The following GRM4 variants were observed in gnomAD, a reference collection of about 807,000 sequenced individuals.
GRM4 encodes the protein glutamate metabotropic receptor 4.
Under a neutral mutation model 81.7 loss-of-function variants are expected in GRM4, and 28 were observed. That is an observed-to-expected ratio of 0.34 (90% CI 0.25 to 0.47). The LOEUF is 0.47. Among genes scored for constraint, GRM4 ranks in the 20% least tolerant of loss-of-function variants. The probability of loss-of-function intolerance (pLI) is 1.00; values close to 1 mark genes in which losing one functional copy is unlikely to be tolerated. For synonymous variants in GRM4, 488 were observed against 528.8 expected, an observed-to-expected ratio of 0.92 and a Z score of 1.06; for missense variants, 948 against 1,290.0, an observed-to-expected ratio of 0.73 and a Z score of 4.06.
At chr6:34,147,812 T>C (rs1770968087), upstream of GRM4, among the ~76,000 whole-genome samples, 1 of 152,212 alleles carries the variant, frequency 6.6e-6, no homozygotes, top group South Asian at 2.1e-4. Context: ...AAATAATGTA[T>C]GCCCAGCACC....
At chr6:34,057,553 AGTACC>A (rs751329992) in intron 5 of GRM4, among the ~76,000 whole-genome samples, 75 of 152,318 alleles carry the variant, frequency 4.9e-4, no homozygotes, top group Non-Finnish European at 7.8e-4. Flanking sequence ...GATACTGAGC[AGTACC>A]CCGACCTCTA....
chr6:34,140,747 G>A (rs1310261317), intron 1 of GRM4, among the ~76,000 whole-genome samples: 1 of 152,196 alleles, frequency 6.6e-6, no homozygotes, highest in East Asian at 1.9e-4. Flanking sequence ...ACCCAAGTGG[G>A]CAAGTGTCTT....
chr6:34,124,693 C>T lies in GRM4; in HGVS notation c.519+8285G>A, dbSNP rs527801593. 1.3e-4 allele frequency among the ~76,000 whole-genome samples: 20 copies of T among 152,340 alleles called. No homozygotes were observed. In the South Asian group the frequency reaches 3.1e-3, roughly 24 times the overall value. Reference sequence around the variant, plus strand: ...AAGTGATTCCAATGTGCAGCTGAGACGGACCGCTGCTCTAGCAGTGCCGGG... The same window carrying T: ...AAGTGATTCCAATGTGCAGCTGAGATGGACCGCTGCTCTAGCAGTGCCGGG... On this transcript the variant is annotated intron_variant, in intron 2 of 10. Coordinates refer to ENST00000538487, the MANE Select transcript of GRM4 (RefSeq NM_000841.4).
chr6:34,141,701 C>T (rs1157205930), intron 1 of GRM4, among the ~76,000 whole-genome samples: 3 of 151,442 alleles, frequency 2.0e-5, no homozygotes, highest in African/African-American at 4.8e-5. Context: ...TGGGCAGGGC[C>T]GCGGGGTGGG....
chr6:34,020,603 C>T lies in GRM4; in HGVS notation c.*2218G>A, dbSNP rs1763836962. 6.7e-6 allele frequency: 1 copy of T among 149,346 alleles called. No individual in the cohort carries two copies. Among genetic ancestry groups the T allele is most frequent in the South Asian group, 2.1e-4 (1 of 4,654 alleles). 9.3% of individuals were successfully genotyped at this position (149,346 alleles called of 1,614,324 possible). On this transcript the variant is annotated 3_prime_UTR_variant, in exon 11 of 11. Transcript: ENST00000538487. ...ATCTGGCAACCTAGTTCTGCCTGAC[C>T]GGGCTGGAGCACTGGGTGGAATCTT...
At position 34,089,226 on chromosome 6, in the gene GRM4, A is replaced by G. The variant is rs1479015911; in HGVS notation, c.736+2657T>C. Among the ~76,000 whole-genome samples, 1 of 152,148 alleles carries G rather than the reference A, an allele frequency of 6.6e-6. No homozygotes were observed. The highest frequency in any genetic ancestry group is 1.5e-5 in the Non-Finnish European group (1 of 68,046). On this transcript the variant is annotated intron_variant, in intron 3 of 10. Transcript: ENST00000538487. The surrounding 1 kb of genome is among the most constrained non-coding windows in gnomAD (Gnocchi z 4.3). ...TCTGGTGCTCCTCTGAGCAACTCACAGATGATTTATACTTCAGAGTACGAA... is the reference window on the plus strand; with the variant it reads ...TCTGGTGCTCCTCTGAGCAACTCACGGATGATTTATACTTCAGAGTACGAA...
At chr6:34,112,306 C>T (rs1769416579) in intron 2 of GRM4, among the ~76,000 whole-genome samples, 1 of 152,168 alleles carries the variant, frequency 6.6e-6, no homozygotes, top group African/African-American at 2.4e-5. Flanking sequence ...GCTTACAGCT[C>T]TATAAGCCAT....
At chr6:34,140,557 C>T (rs1290525402) in intron 1 of GRM4, among the ~76,000 whole-genome samples, 1 of 152,166 alleles carries the variant, frequency 6.6e-6, no homozygotes, top group Non-Finnish European at 1.5e-5. Context: ...GCCCTTGGGC[C>T]TCCCTGCTCA....
intron 8 of GRM4, among the ~76,000 whole-genome samples, chr6:34,038,991 C>A (rs35075443): frequency 2.6e-5 from 4 of 152,156 alleles, no homozygotes; most frequent in African/African-American, 4.8e-5. Flanking sequence ...TAGCTGCTGC[C>A]GCTAGTGAGT....
chr6:34,056,435 C>CGG, intron 6 of GRM4, 109 bp downstream of exon 6: 1 of 1,033,300 alleles, frequency 9.7e-7, no homozygotes, highest in Non-Finnish European at 1.4e-6. Context: ...CGTCCTGCCA[C>CGG]GGCCGGCCGA....
intron 3 of GRM4, among the ~76,000 whole-genome samples, chr6:34,072,649 AC>A (rs1766999227): frequency 2.7e-5 from 4 of 149,416 alleles, no homozygotes; most frequent in African/African-American, 9.9e-5. Context: ...ACACACACAC[AC>A]ATCACCACAT....
In GRM4 at chr6:34,123,113, T is replaced by C. The variant is rs140707123; in HGVS notation, c.519+9865A>G. ...ACGTTACCCAAGGTCACACAGCGAG[T>C]TGGCAGCAGAGGCAGGCCCCAAAAG... On this transcript the variant is annotated intron_variant, in intron 2 of 10. Coordinates refer to ENST00000538487, the MANE Select transcript of GRM4 (RefSeq NM_000841.4). Among the ~76,000 whole-genome samples the C allele has an allele frequency of 2.7e-3, 418 of 152,176 alleles. 4 individuals are homozygous for C. Among genetic ancestry groups the C allele is most frequent in the South Asian group, 0.013 (64 of 4,814 alleles).
At chr6:34,098,133 G>A (rs184978533) in intron 2 of GRM4, among the ~76,000 whole-genome samples, 1 of 152,348 alleles carries the variant, frequency 6.6e-6, no homozygotes, top group Admixed American at 6.5e-5. Context: ...ACAACAGAGA[G>A]GACTGCATCA....
rs201918690 is a variant in GRM4 at position 34,133,318 on chromosome 6, C to T, written c.179G>A (p.Arg60Gln). ...TLGGLFPVHG[R>Q]GSEGKPCGEL... ...TCCACAGGGCTTGCCCTCTGAGCCCCGGCCATGCACCGGGAACAGGCCTCC... is the reference window on the plus strand; with the variant it reads ...TCCACAGGGCTTGCCCTCTGAGCCCTGGCCATGCACCGGGAACAGGCCTCC... Residue 60 changes from arginine (R) to glutamine (Q), a missense_variant, in exon 2 of 11, where the codon CGG becomes CAG. Physicochemically the swap from Arg to Gln is conservative, Grantham distance 43 (BLOSUM62 1). Coordinates refer to ENST00000538487, the MANE Select transcript of GRM4 (RefSeq NM_000841.4). This position sits in a 1 kb window ranked among gnomAD's most constrained non-coding sequence, Gnocchi z 6.5. The T allele has an allele frequency of 1.1e-5, 18 of 1,614,016 alleles. No individual in the cohort carries two copies. The highest frequency in any genetic ancestry group is 1.7e-5 in the Admixed American group (1 of 60,018).
At chr6:34,044,503 C>G (rs111066522) in intron 6 of GRM4, among the ~76,000 whole-genome samples, 37,684 of 147,836 alleles carry the variant, frequency 0.25, 5,890 homozygotes, top group African/African-American at 0.42. Flanking sequence ...GACATACACA[C>G]ATACACACAC....
chr6:34,046,253 C>A (rs998433805), intron 6 of GRM4, among the ~76,000 whole-genome samples: 26 of 152,180 alleles, frequency 1.7e-4, no homozygotes, highest in African/African-American at 6.0e-4. Flanking sequence ...AATACACAAA[C>A]CTTCATGCAT....
intron 2 of GRM4, among the ~76,000 whole-genome samples, chr6:34,123,169 C>G (rs1769884164): frequency 6.6e-6 from 1 of 152,162 alleles, no homozygotes; most frequent in East Asian, 1.9e-4. Flanking sequence ...GCTTCACTGG[C>G]AAGGGGAGAC....
rs1298598934 is a variant in GRM4, at chr6:34,106,774, G to A, written c.520-14675C>T. ...GCCTTGCTCACTGCTAGAGCCCCAG[G>A]ACTTAGGACAATGCCTGGCACCCAC... On this transcript the variant is annotated intron_variant, in intron 2 of 10. Transcript: ENST00000538487. Among the ~76,000 whole-genome samples the A allele has an allele frequency of 5.3e-5, 8 of 152,258 alleles. No homozygotes were observed. The East Asian group carries it at 1.5e-3, about 29-fold the overall frequency.
At chr6:34,025,305 G>C (rs1360312153) in intron 10 of GRM4, among the ~76,000 whole-genome samples, 1 of 152,080 alleles carries the variant, frequency 6.6e-6, no homozygotes, top group East Asian at 1.9e-4. Flanking sequence ...CAATTCCCCA[G>C]AGCTCCGTCA....
Sources: allele counts gnomAD v4.1 joint callset (sites outside exome capture counted in the v4.1 genomes callset), GRCh38; gene constraint gnomAD v4.1.1; non-coding constraint Gnocchi (gnomAD v3.1); transcripts MANE v1.5; gene names NCBI Gene and HGNC (gene_info 2026-07-23, HGNC 2026-07-21).